TM9SF3: variants seen among roughly 807,000 people sequenced by gnomAD.
The protein encoded by TM9SF3 is transmembrane 9 superfamily member 3.
Under a neutral mutation model 78.6 loss-of-function variants are expected in TM9SF3, and 14 were observed. That is an observed-to-expected ratio of 0.18 (90% confidence interval 0.12 to 0.28). The LOEUF (loss-of-function observed/expected upper bound fraction) is 0.28, where lower values mean the gene tolerates loss of function less well. Among genes scored for constraint, TM9SF3 ranks in the 10% least tolerant of loss-of-function variants. TM9SF3 has a pLI of 1.00. For synonymous variants in TM9SF3, 231 were observed against 241.7 expected, an observed-to-expected ratio of 0.96 and a Z score of 0.41; for missense variants, 496 against 721.9, an observed-to-expected ratio of 0.69 and a Z score of 3.59.
At chr10:96,557,528 C>A (rs1326021156) in intron 5 of TM9SF3, among the ~76,000 whole-genome samples, 1 of 152,128 alleles carries the variant, frequency 6.6e-6, no homozygotes, top group African/African-American at 2.4e-5. Flanking sequence ...TTTGTTACCC[C>A]CCTGCTGAAA....
chr10:96,586,670 G>A (rs1293840122), intron 1 of TM9SF3, 64 bp downstream of exon 1: 3 of 1,187,354 alleles, frequency 2.5e-6, no homozygotes, highest in African/African-American at 1.6e-5. Context: ...GGCTGCGTGG[G>A]GCCTGCCTCA....
Position 96,544,186 on chromosome 10 carries a change from T to C in TM9SF3, c.1075A>G (p.Met359Val). ...RQGGRRWIKQ[M>V]FIGAFLIPAM... ...GGGATAAGGAATGCCCCAATAAACA[T>C]CTGCTTTATCCATCTCCTTCCTGAA... The change falls in exon 9 of 15, where the codon ATG becomes GTG. Residue 359 changes from methionine (M) to valine (V), a missense_variant. Physicochemically the swap from Met to Val is conservative, Grantham distance 21. This residue lies in a region of TM9SF3 where 280 missense variants were observed against 422.6 expected (regional missense o/e 0.66). Transcript: ENST00000371142. 6.2e-7 allele frequency: 1 copy of C among 1,605,964 alleles called. No homozygotes were observed. The highest frequency in any genetic ancestry group is 8.5e-7 in the Non-Finnish European group (1 of 1,176,344).
chr10:96,586,682 T>C lies in TM9SF3; in HGVS notation c.102+52A>G. On this transcript the variant is annotated intron_variant, in intron 1 of 14. Transcript: ENST00000371142. ...CCAGGCTGCGTGGGGCCTGCCTCAGTGGGCAACTGGGGAGCTAGCCCGGGG... is the reference window on the plus strand; with the variant it reads ...CCAGGCTGCGTGGGGCCTGCCTCAGCGGGCAACTGGGGAGCTAGCCCGGGG... 4.2e-6 allele frequency: 5 copies of C among 1,204,776 alleles called. No homozygotes were observed. In the South Asian group the frequency reaches 1.6e-4, roughly 39 times the overall value. The allele number at this position is 1,204,776 out of a possible 1,614,324, so 74.6% of individuals were successfully genotyped here.
At chr10:96,556,249 TAGAA>T (rs751965225) in intron 5 of TM9SF3, among the ~76,000 whole-genome samples, 80 of 151,480 alleles carry the variant, frequency 5.3e-4, no homozygotes, top group Non-Finnish European at 9.3e-4. Context: ...GTCATAAATT[TAGAA>T]TGCAACTGGA....
intron 5 of TM9SF3, among the ~76,000 whole-genome samples, chr10:96,556,942 C>T (rs910540464): frequency 2.3e-4 from 35 of 152,146 alleles, no homozygotes; most frequent in Admixed American, 9.8e-4. Context: ...TCTCTCTATC[C>T]TCCATGATAC....
chr10:96,520,769 A>G lies in TM9SF3; in HGVS notation c.*1494T>C. On this transcript the variant is annotated 3_prime_UTR_variant, in exon 15 of 15. Transcript: ENST00000371142. Reference sequence around the variant, plus strand: ...TTACACGGTACACCAACCTGAACAGATTTTGTGCCACAATTTCATTCAAAG... The same window carrying G: ...TTACACGGTACACCAACCTGAACAGGTTTTGTGCCACAATTTCATTCAAAG... 1 of 394,652 alleles carries G rather than the reference A, an allele frequency of 2.5e-6. No homozygotes were observed. Among genetic ancestry groups the G allele is most frequent in the Non-Finnish European group, 4.5e-6 (1 of 223,020 alleles). 24.4% of individuals were successfully genotyped at this position (394,652 alleles called of 1,614,324 possible). A position where few individuals can be genotyped will look rare whatever the true frequency, so the allele number is the denominator to read the frequency against.
intron 3 of TM9SF3, 89 bp downstream of exon 3, chr10:96,565,215 T>TTTA: frequency 8.5e-7 from 1 of 1,180,734 alleles, no homozygotes; most frequent in Non-Finnish European, 1.1e-6. Flanking sequence ...TACACCATGA[T>TTTA]CCAGTACACA....
intron 9 of TM9SF3, among the ~76,000 whole-genome samples, chr10:96,542,603 C>T (rs1197873362): frequency 6.6e-6 from 1 of 151,932 alleles, no homozygotes; most frequent in African/African-American, 2.4e-5. Context: ...TTAACAGAAT[C>T]AAAATTTTAA....
At chr10:96,546,526 G>T (rs1366765509) in intron 8 of TM9SF3, among the ~76,000 whole-genome samples, 2 of 152,066 alleles carry the variant, frequency 1.3e-5, no homozygotes, top group East Asian at 3.9e-4. Context: ...TAATTTCCAG[G>T]TCAAATTCAA....
At chr10:96,564,420 G>C (rs753680395) in intron 3 of TM9SF3, among the ~76,000 whole-genome samples, 2 of 152,182 alleles carry the variant, frequency 1.3e-5, no homozygotes, top group Non-Finnish European at 2.9e-5. Flanking sequence ...AGAAATGTCT[G>C]TGTTACCATA....
chr10:96,545,723 C>G (rs1848089349), intron 8 of TM9SF3, among the ~76,000 whole-genome samples: 1 of 152,142 alleles, frequency 6.6e-6, no homozygotes, highest in African/African-American at 2.4e-5. Context: ...AACTCCATCT[C>G]TACTAAAAAT....
At position 96,576,696 on chromosome 10, in the gene TM9SF3, G is replaced by A; in HGVS notation, c.236C>T (p.Thr79Ile). ...SKKSISHYHE[T>I]LGEALQGVEL... Reference sequence around the variant, plus strand: ...AACCCCTTGAAGTGCTTCTCCCAGAGTTTCATGGTAATGACTGATACTTTT... The same window carrying A: ...AACCCCTTGAAGTGCTTCTCCCAGAATTTCATGGTAATGACTGATACTTTT... The change falls in exon 2 of 15, where the codon ACT (threonine) becomes ATT (isoleucine). Residue 79 changes from threonine (T) to isoleucine (I), a missense_variant. This residue lies in a region of TM9SF3 where 155 missense variants were observed against 241.6 expected (regional missense o/e 0.64). Transcript: ENST00000371142. 1 of 1,610,010 alleles carries A rather than the reference G, an allele frequency of 6.2e-7. No homozygotes were observed. The highest frequency in any genetic ancestry group is 8.5e-7 in the Non-Finnish European group (1 of 1,178,588).
At chr10:96,576,939 G>C in intron 1 of TM9SF3, 110 bp from the exon 2 acceptor site, 1 of 793,828 alleles carries the variant, frequency 1.3e-6, no homozygotes, top group South Asian at 3.3e-5. Context: ...TGTTCAGGAA[G>C]CTATAAAATA....
intron 11 of TM9SF3, 115 bp from the exon 12 acceptor site, chr10:96,528,292 C>A (rs1453096693): frequency 9.9e-7 from 1 of 1,007,930 alleles, no homozygotes; most frequent in Middle Eastern, 2.6e-4. Flanking sequence ...GACTTTCTTT[C>A]AAGTATCTTC....
chr10:96,582,910 C>A (rs1173038644), intron 1 of TM9SF3, among the ~76,000 whole-genome samples: 1 of 151,712 alleles, frequency 6.6e-6, no homozygotes, highest in Non-Finnish European at 1.5e-5. Context: ...GAAACCCTGT[C>A]TCAACTAAAA....
intron 1 of TM9SF3, among the ~76,000 whole-genome samples, chr10:96,583,845 C>A (rs1251709744): frequency 6.6e-6 from 1 of 152,056 alleles, no homozygotes; most frequent in East Asian, 1.9e-4. Flanking sequence ...ACCAGCCTGG[C>A]CAACATGGTG....
chr10:96,560,592 A>G (rs1848294592), intron 4 of TM9SF3: 4 of 672,070 alleles, frequency 6.0e-6, no homozygotes, highest in South Asian at 5.4e-5. Flanking sequence ...ATTCTTAAGG[A>G]TATCTGGAAA....
At chr10:96,556,591 A>T (rs764199939) in intron 5 of TM9SF3, among the ~76,000 whole-genome samples, 1 of 151,958 alleles carries the variant, frequency 6.6e-6, no homozygotes, top group Non-Finnish European at 1.5e-5. Flanking sequence ...TTTCTCCTGC[A>T]TTGCCAGTTT....
At chr10:96,569,204 A>G (rs1269224827) in intron 2 of TM9SF3, among the ~76,000 whole-genome samples, 1 of 152,204 alleles carries the variant, frequency 6.6e-6, no homozygotes. Flanking sequence ...GTGCCAATAT[A>G]TTCACAGAAA....
Sources: allele counts gnomAD v4.1 joint callset (sites outside exome capture counted in the v4.1 genomes callset), GRCh38; gene constraint gnomAD v4.1.1; regional missense constraint gnomAD v4.1.1; transcripts MANE v1.5; gene names NCBI Gene and HGNC (gene_info 2026-07-23, HGNC 2026-07-21).